The following CDIN1 variants were observed in gnomAD, a reference collection of about 807,000 sequenced individuals.
The protein encoded by CDIN1 is CDAN1-interacting nuclease 1.
Under a neutral mutation model 45.3 loss-of-function variants are expected in CDIN1, and 33 were observed. The ratio of observed to expected loss-of-function variants is 0.73; its 90% CI spans 0.55 to 0.97. The LOEUF (loss-of-function observed/expected upper bound fraction) is 0.97. Ranked by LOEUF, CDIN1 falls within the 50% of genes least tolerant of loss-of-function variation. The pLI is 0.00. For missense variants in CDIN1, 303 were observed against 339.4 expected (o/e 0.89, Z 0.84); for synonymous variants, 118 against 124.4 (o/e 0.95, Z 0.34).
chr15:36,579,960 A>G lies in CDIN1; in HGVS notation c.100A>G (p.Ser34Gly). The G allele has an allele frequency of 6.2e-7, 1 of 1,612,334 alleles. No homozygotes were observed. The highest frequency in any genetic ancestry group is 8.5e-7 in the Non-Finnish European group (1 of 1,179,146). ...SLRKLKQRFP[S>G]QSQATLLSIF... ...GAGGAAGCTGAAGCAGAGGTTTCCC[A>G]GGTAAGTGTCCATCTCTCCCCTCTC... is the stretch of plus-strand genomic sequence containing the variant. The change falls in exon 1 of 11, where the codon AGT becomes GGT. Residue 34 changes from serine (S) to glycine (G), a missense_variant and splice_region_variant. Coordinates refer to ENST00000566621, the MANE Select transcript of CDIN1 (RefSeq NM_001321759.2).
chr15:36,757,143 C>G (rs927465822), intron 10 of CDIN1, among the ~76,000 whole-genome samples: 1 of 152,126 alleles, frequency 6.6e-6, no homozygotes, highest in Non-Finnish European at 1.5e-5. Flanking sequence ...CTCAGAGGGT[C>G]CTGTTCTCAT....
intron 5 of CDIN1, 34 bp downstream of exon 5, chr15:36,657,939 T>G: frequency 6.5e-7 from 1 of 1,531,900 alleles, no homozygotes; most frequent in Non-Finnish European, 9.0e-7. Flanking sequence ...GGTACTCTTT[T>G]ACTCCCTTCC....
chr15:36,627,015 G>T, intron 1 of CDIN1: 1 of 174,658 alleles, frequency 5.7e-6, no homozygotes, highest in South Asian at 1.3e-4. Context: ...GTGAGGTCTT[G>T]ATGGTGGAGG....
chr15:36,586,000 C>T (rs1472720349), intron 1 of CDIN1, among the ~76,000 whole-genome samples: 1 of 152,114 alleles, frequency 6.6e-6, no homozygotes, highest in South Asian at 2.1e-4. Context: ...TTATCATGAG[C>T]TCATTCAGCC....
At chr15:36,624,959 A>G (rs1169958379) in intron 1 of CDIN1, among the ~76,000 whole-genome samples, 5 of 152,172 alleles carry the variant, frequency 3.3e-5, no homozygotes, top group Admixed American at 2.6e-4. Context: ...CAGAAAAAGA[A>G]TAAGGAAATA....
intron 10 of CDIN1, among the ~76,000 whole-genome samples, chr15:36,723,857 G>A (rs138345807): frequency 1.0e-3 from 156 of 152,310 alleles, no homozygotes; most frequent in Middle Eastern, 3.4e-3. Context: ...ATATTTCAGC[G>A]CATACAAAGG....
intron 10 of CDIN1, among the ~76,000 whole-genome samples, chr15:36,795,033 A>G (rs1222002049): frequency 6.7e-6 from 1 of 148,850 alleles, no homozygotes; most frequent in Non-Finnish European, 1.5e-5. Context: ...AGCCAGGCAC[A>G]GAATAACAAA....
chr15:36,590,847 G>T (rs1174388618), intron 1 of CDIN1, among the ~76,000 whole-genome samples: 2 of 152,174 alleles, frequency 1.3e-5, no homozygotes, highest in Admixed American at 6.5e-5. Context: ...GATGGGAAAG[G>T]TCTACTAAGC....
At chr15:36,669,582 G>T (rs2041372156) in intron 5 of CDIN1, among the ~76,000 whole-genome samples, 1 of 151,680 alleles carries the variant, frequency 6.6e-6, no homozygotes, top group Non-Finnish European at 1.5e-5. Flanking sequence ...ACCCTCACTG[G>T]TACCTTACTA....
chr15:36,609,029 G>T (rs942674950), intron 1 of CDIN1, among the ~76,000 whole-genome samples: 4 of 150,706 alleles, frequency 2.7e-5, no homozygotes, highest in East Asian at 1.9e-4. Context: ...AATTTTTTAA[G>T]TCAGAGTCTT....
Position 36,623,263 on chromosome 15 carries a change from G to A in CDIN1, c.102-21015G>A, listed in dbSNP as rs886236380. Among the ~76,000 whole-genome samples the A allele has an allele frequency of 4.6e-5, 7 of 152,168 alleles. No individual in the cohort carries two copies. In the East Asian group the frequency reaches 1.2e-3, roughly 25 times the overall value. On this transcript the variant is annotated intron_variant, in intron 1 of 10. Coordinates refer to ENST00000566621, the MANE Select transcript of CDIN1 (RefSeq NM_001321759.2). ...ATAACATTAAAACCAGAAAAAAAAG[G>A]ATGAAGAAATCACCTATAAACCCAA...
intron 5 of CDIN1, among the ~76,000 whole-genome samples, chr15:36,667,200 CT>C (rs1193065213): frequency 3.3e-5 from 5 of 152,200 alleles, no homozygotes; most frequent in African/African-American, 1.2e-4. Flanking sequence ...ATGTCCTTGC[CT>C]GGACAAACTC....
intron 8 of CDIN1, chr15:36,705,894 T>TA (rs2042845851): frequency 6.6e-6 from 1 of 152,192 alleles, no homozygotes; most frequent in South Asian, 2.1e-4. Context: ...GAAGTCATAC[T>TA]AAAAGTACTA....
At position 36,599,993 on chromosome 15, in the gene CDIN1, A is replaced by G. The variant is rs536657330; in HGVS notation, c.101+20032A>G. On this transcript the variant is annotated intron_variant, in intron 1 of 10. Coordinates refer to ENST00000566621, the MANE Select transcript of CDIN1 (RefSeq NM_001321759.2). Reference sequence around the variant, plus strand: ...GGTTAGAATAAAAAATCATGGGTGCATCTTGGGCTCAGAGATCTGACAAAG... The same window carrying G: ...GGTTAGAATAAAAAATCATGGGTGCGTCTTGGGCTCAGAGATCTGACAAAG... 1.2e-4 allele frequency among the ~76,000 whole-genome samples: 18 copies of G among 152,358 alleles called. No homozygotes were observed. In the East Asian group the frequency reaches 3.5e-3, roughly 29 times the overall value.
intron 1 of CDIN1, among the ~76,000 whole-genome samples, chr15:36,611,785 T>G (rs2038662842): frequency 6.6e-6 from 1 of 152,124 alleles, no homozygotes; most frequent in Non-Finnish European, 1.5e-5. Context: ...TATCAAGTTG[T>G]TTTTTTGGTG....
Position 36,685,959 on chromosome 15 carries a change from G to T in CDIN1, c.347-5726G>T, listed in dbSNP as rs866156675. ...AAATAGGAACACTTTTACACTGTTG[G>T]TGGGACTGTAAACTAGTTCAACCAT... On this transcript the variant is annotated intron_variant, in intron 5 of 10. Coordinates refer to ENST00000566621, the MANE Select transcript of CDIN1 (RefSeq NM_001321759.2). 9.4e-3 allele frequency among the ~76,000 whole-genome samples: 1,424 copies of T among 151,730 alleles called. 18 individuals are homozygous for T. The highest frequency in any genetic ancestry group is 0.033 in the African/African-American group (1,359 of 41,382).
chr15:36,675,672 C>T (rs751387640), intron 5 of CDIN1, among the ~76,000 whole-genome samples: 21 of 152,088 alleles, frequency 1.4e-4, no homozygotes, highest in Admixed American at 3.9e-4. Context: ...AGTTAACATC[C>T]GCATCATTTA....
chr15:36,755,928 G>A (rs2053598760), intron 10 of CDIN1: 2 of 380,536 alleles, frequency 5.3e-6, no homozygotes, highest in East Asian at 1.5e-4. Flanking sequence ...CCTAGAGGGT[G>A]TTGTGTTAAA....
At chr15:36,618,282 A>G (rs904833063) in intron 1 of CDIN1, 13 of 667,020 alleles carry the variant, frequency 1.9e-5, no homozygotes, top group Admixed American at 1.6e-4. Flanking sequence ...GGGATGGACA[A>G]TTGAACAGAT....
Sources: gnomAD v4.1 joint callset for allele counts (sites outside exome capture counted in the v4.1 genomes callset) on GRCh38, gnomAD v4.1.1 for gene constraint, MANE v1.5 for transcripts, NCBI Gene and HGNC (gene_info 2026-07-23, HGNC 2026-07-21) for gene names.